MON2: variants seen among roughly 807,000 people sequenced by gnomAD.
MON2 encodes the protein MON2 regulator of endosome-to-Golgi trafficking.
A neutral mutation model predicts 208.6 loss-of-function variants in MON2; 84 were observed. The ratio of observed to expected loss-of-function variants is 0.40; its 90% CI spans 0.34 to 0.48. The LOEUF is 0.48. MON2 is among the 20% of genes least tolerant of loss of function. The pLI is 0.59. For missense variants in MON2, 1,611 were observed against 2,015.4 expected (o/e 0.80, Z 3.84); for synonymous variants, 660 against 694.0 (o/e 0.95, Z 0.77).
rs199890435 is a variant in MON2, at chr12:62,538,304, C to A, written c.2252C>A (p.Ser751Ter). 3 of 1,613,258 alleles carry A rather than the reference C, an allele frequency of 1.9e-6. No homozygotes were observed. Among genetic ancestry groups the A allele is most frequent in the Admixed American group, 1.7e-5 (1 of 59,994 alleles). The stretch of plus-strand genomic sequence containing the variant: ...TTACCAGTGATTTCCAATATACTTT[C>A]AAGATTGTTTGAAAGCTCACAGTAA... ...TDLPVISNIL[S>*]RLFESSQYLD... The change falls in exon 18 of 35, where the codon TCA (serine) becomes TAA (stop). Residue 751 changes from serine to a stop codon, truncating the protein, a stop_gained. Transcript: ENST00000393630. LOFTEE classifies it high-confidence loss of function.
intron 5 of MON2, 122 bp downstream of exon 5, chr12:62,499,170 A>G (rs1450791632): frequency 2.0e-6 from 2 of 1,000,752 alleles, no homozygotes; most frequent in Non-Finnish European, 2.8e-6. Flanking sequence ...TTAAAAAATA[A>G]ATTCCTCACA....
At chr12:62,566,278 A>C (rs755896427) in intron 28 of MON2, 44 bp from the exon 29 acceptor site, 4 of 1,582,660 alleles carry the variant, frequency 2.5e-6, no homozygotes, top group Non-Finnish European at 3.4e-6. Context: ...GATTAATTTA[A>C]TCTCAGTTTA....
At chr12:62,535,299 T>G (rs1483776331) in intron 13 of MON2, among the ~76,000 whole-genome samples, 1 of 152,210 alleles carries the variant, frequency 6.6e-6, no homozygotes, top group Non-Finnish European at 1.5e-5. Flanking sequence ...CTTGGTCATT[T>G]TCTTCAGTAA....
intron 11 of MON2, among the ~76,000 whole-genome samples, chr12:62,529,921 T>A (rs2072540655): frequency 6.6e-6 from 1 of 152,250 alleles, no homozygotes; most frequent in African/African-American, 2.4e-5. Flanking sequence ...TACATTTATA[T>A]AATGTGTAGT....
At chr12:62,575,002 T>A (rs1462540871) in intron 30 of MON2, among the ~76,000 whole-genome samples, 2 of 152,152 alleles carry the variant, frequency 1.3e-5, no homozygotes, top group African/African-American at 4.8e-5. Flanking sequence ...GGCATGTGCC[T>A]GTAGTCCCAG....
intron 23 of MON2, among the ~76,000 whole-genome samples, chr12:62,551,074 G>A (rs890239941): frequency 6.6e-6 from 1 of 151,858 alleles, no homozygotes; most frequent in African/African-American, 2.4e-5. Flanking sequence ...CGCCCGCCAT[G>A]ATGTACTTTC....
At chr12:62,543,518 C>G (rs927256964) in intron 20 of MON2, among the ~76,000 whole-genome samples, 1 of 152,146 alleles carries the variant, frequency 6.6e-6, no homozygotes, top group Non-Finnish European at 1.5e-5. Context: ...TCAGATAGTT[C>G]TGAAACTTCA....
At chr12:62,567,286 T>G (rs1351276130) in intron 29 of MON2, among the ~76,000 whole-genome samples, 1 of 152,214 alleles carries the variant, frequency 6.6e-6, no homozygotes, top group Non-Finnish European at 1.5e-5. Context: ...CATTTTTCTT[T>G]CAGCCATCTC....
intron 1 of MON2, among the ~76,000 whole-genome samples, chr12:62,468,166 AAC>A (rs1204900332): frequency 6.6e-6 from 1 of 150,966 alleles, no homozygotes; most frequent in Non-Finnish European, 1.5e-5. Context: ...AAAAAAAAAA[AAC>A]AAACAAAAAA....
chr12:62,564,371 A>T (rs1023766586), intron 26 of MON2, among the ~76,000 whole-genome samples: 1 of 152,058 alleles, frequency 6.6e-6, no homozygotes, highest in Non-Finnish European at 1.5e-5. Context: ...TAAAGTGATC[A>T]TCCTTTTTGT....
intron 1 of MON2, among the ~76,000 whole-genome samples, chr12:62,480,170 T>A (rs2069329689): frequency 6.6e-6 from 1 of 152,242 alleles, no homozygotes; most frequent in Admixed American, 6.5e-5. Context: ...GGTCTAATTA[T>A]ATCTAAGGCA....
chr12:62,580,864 G>A (rs879334306), intron 32 of MON2, among the ~76,000 whole-genome samples: 9 of 152,040 alleles, frequency 5.9e-5, no homozygotes, highest in Non-Finnish European at 1.3e-4. Context: ...TCTCAGTTTT[G>A]TAATCTTTAA....
intron 33 of MON2, 171 bp downstream of exon 33, chr12:62,585,672 T>C (rs543323271): frequency 1.9e-6 from 1 of 518,888 alleles, no homozygotes; most frequent in Non-Finnish European, 3.3e-6. Context: ...CCTGCAGATA[T>C]ATTAACATGT....
intron 8 of MON2, among the ~76,000 whole-genome samples, chr12:62,513,932 A>C (rs1369499985): frequency 2.0e-5 from 3 of 146,358 alleles, no homozygotes; most frequent in South Asian, 2.2e-4. Flanking sequence ...CCTGGGTGAC[A>C]GAGCGAGACT....
At position 62,523,023 on chromosome 12, in the gene MON2, A is replaced by G. The variant is rs547397908; in HGVS notation, c.985-1492A>G. Among the ~76,000 whole-genome samples the G allele has an allele frequency of 4.6e-5, 7 of 152,278 alleles. No homozygotes were observed. The South Asian group carries it at 1.5e-3, about 32-fold the overall frequency. The stretch of plus-strand genomic sequence containing the variant: ...ACTTGATGTTTCTGAGATCCTTTGT[A>G]TTCTTGCCTCAAAGCTTAGCTGATG... On this transcript the variant is annotated intron_variant, in intron 8 of 34. Transcript: ENST00000393630.
At chr12:62,538,198 C>G (rs775017801) in intron 17 of MON2, 22 bp downstream of exon 17, 1 of 1,610,944 alleles carries the variant, frequency 6.2e-7, no homozygotes, top group Non-Finnish European at 8.5e-7. Flanking sequence ...TCTTTCTTAC[C>G]CAATTAGTGC....
intron 10 of MON2, among the ~76,000 whole-genome samples, chr12:62,525,718 A>G (rs954629181): frequency 6.6e-6 from 1 of 152,154 alleles, no homozygotes; most frequent in Admixed American, 6.6e-5. Context: ...ATTTATCAGC[A>G]TTTTTACTTC....
At chr12:62,571,604 A>G in intron 30 of MON2, 22 bp downstream of exon 30, 11 of 1,575,858 alleles carry the variant, frequency 7.0e-6, no homozygotes, top group Non-Finnish European at 9.5e-6. Flanking sequence ...CATTTTTAAA[A>G]TTAAGACAAG....
intron 1 of MON2, among the ~76,000 whole-genome samples, chr12:62,479,397 G>A (rs10877858): frequency 0.82 from 121,548 of 147,972 alleles, 50,113 homozygotes; most frequent in African/African-American, 0.88. Context: ...TAGTTGTTAT[G>A]CTGTATTTTA....
Sources: allele counts gnomAD v4.1 joint callset (sites outside exome capture counted in the v4.1 genomes callset), GRCh38; gene constraint gnomAD v4.1.1; transcripts MANE v1.5; gene names NCBI Gene and HGNC (gene_info 2026-07-23, HGNC 2026-07-21).